TEK: variants seen among roughly 807,000 people sequenced by gnomAD.
The protein encoded by TEK is angiopoietin-1 receptor.
In TEK, 43 loss-of-function variants were observed where a neutral mutation model predicts 131.8. The observed-to-expected ratio is 0.33, with a 90% CI of 0.26 to 0.42. The LOEUF (loss-of-function observed/expected upper bound fraction) is 0.42, where lower values mean the gene tolerates loss of function less well. Among genes scored for constraint, TEK ranks in the 10% least tolerant of loss-of-function variants. The pLI is 1.00. For synonymous variants in TEK, 580 were observed against 491.6 expected, an observed-to-expected ratio of 1.18 and a Z score of -2.38; for missense variants, 1,162 against 1,384.4, an observed-to-expected ratio of 0.84 and a Z score of 2.55.
chr9:27,204,011 A>C (rs1029598612), intron 13 of TEK, among the ~76,000 whole-genome samples: 3 of 152,244 alleles, frequency 2.0e-5, no homozygotes, highest in Non-Finnish European at 4.4e-5. Context: ...ATAGAAAATC[A>C]TGGTTTTCAG....
intron 11 of TEK, among the ~76,000 whole-genome samples, chr9:27,193,601 C>T (rs973080483): frequency 5.3e-5 from 8 of 152,144 alleles, no homozygotes; most frequent in African/African-American, 1.7e-4. Flanking sequence ...AGGTTCCATT[C>T]CTGGTTCTTT....
chr9:27,119,370 A>G (rs901265984), intron 1 of TEK, among the ~76,000 whole-genome samples: 1 of 152,180 alleles, frequency 6.6e-6, no homozygotes, highest in South Asian at 2.1e-4. Flanking sequence ...CATAGTTAGC[A>G]CTCGATAAAA....
At chr9:27,134,236 G>T (rs1336377777) in intron 1 of TEK, among the ~76,000 whole-genome samples, 1 of 152,152 alleles carries the variant, frequency 6.6e-6, no homozygotes, top group Non-Finnish European at 1.5e-5. Flanking sequence ...AACTGTTACT[G>T]TATTCATATT....
chr9:27,145,664 A>G (rs745831608), intron 1 of TEK, among the ~76,000 whole-genome samples: 4 of 152,218 alleles, frequency 2.6e-5, no homozygotes, highest in Non-Finnish European at 2.9e-5. Flanking sequence ...AATTCACAAA[A>G]TAGTCACCTG....
At chr9:27,198,742 C>T (rs1825113872) in intron 12 of TEK, among the ~76,000 whole-genome samples, 2 of 152,198 alleles carry the variant, frequency 1.3e-5, no homozygotes, top group South Asian at 4.1e-4. Flanking sequence ...TTTCTATTCC[C>T]CTCTCCCAAG....
chr9:27,218,302 G>A (rs1825904336), intron 19 of TEK, among the ~76,000 whole-genome samples: 1 of 152,000 alleles, frequency 6.6e-6, no homozygotes, highest in African/African-American at 2.4e-5. Context: ...GTCTGGGCAT[G>A]AGGAGGGGGT....
chr9:27,123,505 C>T (rs143166299), intron 1 of TEK, among the ~76,000 whole-genome samples: 2 of 152,152 alleles, frequency 1.3e-5, no homozygotes, highest in African/African-American at 4.8e-5. Flanking sequence ...GGAGAGGCCA[C>T]GCACAGTTAC....
intron 1 of TEK, among the ~76,000 whole-genome samples, chr9:27,137,888 G>T (rs1438239250): frequency 1.3e-5 from 2 of 152,024 alleles, no homozygotes; most frequent in African/African-American, 4.8e-5. Context: ...TCTCACTGTG[G>T]ACCCTTGCGG....
chr9:27,205,204 CATTATGAAATG>C, intron 14 of TEK, 139 bp downstream of exon 14: 2 of 1,120,108 alleles, frequency 1.8e-6, no homozygotes, highest in Non-Finnish European at 2.6e-6. Context: ...CTTTGGCTTT[CATTATGAAATG>C]GGAGATAAAA....
At chr9:27,129,668 AT>A (rs1822135283) in intron 1 of TEK, among the ~76,000 whole-genome samples, 1 of 152,138 alleles carries the variant, frequency 6.6e-6, no homozygotes, top group Non-Finnish European at 1.5e-5. Context: ...TTTCCTTCAT[AT>A]TTTGGCACAA....
intron 2 of TEK, among the ~76,000 whole-genome samples, chr9:27,162,421 C>T (rs1040565297): frequency 6.6e-6 from 1 of 152,178 alleles, no homozygotes; most frequent in Non-Finnish European, 1.5e-5. Context: ...TTGACTCAAA[C>T]CTCCTTGGTG....
rs143385777 is a variant in TEK at position 27,140,929 on chromosome 9, GTAT to G, written c.53-16897_53-16895del. Reference sequence around the variant, plus strand: ...TTGAGTTTTACCTTGTCTGAAACTAGTATTATTTTTGCTTTCTTTTCTTTCTTC... The same window carrying G: ...TTGAGTTTTACCTTGTCTGAAACTAGTATTTTTGCTTTCTTTTCTTTCTTC... On this transcript the variant is annotated intron_variant, in intron 1 of 22. Coordinates refer to ENST00000380036, the MANE Select transcript of TEK (RefSeq NM_000459.5). Among the ~76,000 whole-genome samples, 353 of 152,128 alleles carry G rather than the reference GTAT, an allele frequency of 2.3e-3. 1 individual carries two copies. The highest frequency in any genetic ancestry group is 8.0e-3 in the African/African-American group (331 of 41,550).
At chr9:27,185,398 T>C in intron 8 of TEK, 87 bp from the exon 9 acceptor site, 1 of 1,528,372 alleles carries the variant, frequency 6.5e-7, no homozygotes, top group South Asian at 1.1e-5. Context: ...AAACTTCTTA[T>C]TAAACAATGA....
Position 27,169,573 on chromosome 9 carries a change from C to T in TEK, c.572C>T (p.Ala191Val), listed in dbSNP as rs1376615443. The change falls in exon 4 of 23, where the codon GCC becomes GTC. Residue 191 changes from alanine (A) to valine (V), a missense_variant. Physicochemically the swap from Ala to Val is moderately conservative, Grantham distance 64. Around this residue, in one of 6 missense-constraint regions of TEK, gnomAD observed 436 missense variants for 539.1 expected, o/e 0.81. Transcript: ENST00000380036. ...CCCCAGGATGCTGGAGTGTACTCGG[C>T]CAGGTATATAGGAGGAAACCTCTTC... The part of the protein sequence containing the change: ...AQPQDAGVYS[A>V]RYIGGNLFTS... The T allele has an allele frequency of 6.2e-7, 1 of 1,614,124 alleles. No individual in the cohort carries two copies. Among genetic ancestry groups the T allele is most frequent in the African/African-American group, 1.3e-5 (1 of 75,040 alleles).
chr9:27,142,268 C>T (rs547504643), intron 1 of TEK, among the ~76,000 whole-genome samples: 19 of 152,216 alleles, frequency 1.2e-4, no homozygotes, highest in African/African-American at 4.3e-4. Flanking sequence ...TGAATCTTTA[C>T]GATACAATGA....
At chr9:27,169,004 T>A (rs771691135) in intron 3 of TEK, among the ~76,000 whole-genome samples, 14 of 152,368 alleles carry the variant, frequency 9.2e-5, no homozygotes, top group Non-Finnish European at 1.2e-4. Flanking sequence ...CAAATGTGTC[T>A]AGGTCCTAGC....
At chr9:27,179,177 T>A (rs1217834857) in intron 6 of TEK, among the ~76,000 whole-genome samples, 1 of 152,214 alleles carries the variant, frequency 6.6e-6, no homozygotes, top group East Asian at 1.9e-4. Context: ...ATGGGCTATC[T>A]ATTGATGTTG....
chr9:27,157,664 G>C (rs1358158497), intron 1 of TEK, among the ~76,000 whole-genome samples, 167 bp from the exon 2 acceptor site: 1 of 152,174 alleles, frequency 6.6e-6, no homozygotes, highest in Non-Finnish European at 1.5e-5. Context: ...TGATGCCTTG[G>C]TAAAGAGTTT....
chr9:27,170,971 AG>A (rs1823933601), intron 4 of TEK, among the ~76,000 whole-genome samples: 2 of 152,190 alleles, frequency 1.3e-5, no homozygotes, highest in African/African-American at 4.8e-5. Flanking sequence ...TGTCTGCTCT[AG>A]GGGGATGAGT....
Sources: allele counts gnomAD v4.1 joint callset (sites outside exome capture counted in the v4.1 genomes callset), GRCh38; gene constraint gnomAD v4.1.1; regional missense constraint gnomAD v4.1.1; transcripts MANE v1.5; gene names NCBI Gene and HGNC (gene_info 2026-07-23, HGNC 2026-07-21).